PDE4D: variants seen among roughly 807,000 people sequenced by gnomAD.
PDE4D encodes 3',5'-cyclic-AMP phosphodiesterase 4D.
A neutral mutation model predicts 87.4 loss-of-function variants in PDE4D; 24 were observed. That is an observed-to-expected ratio of 0.27 (90% CI 0.20 to 0.39). PDE4D has a LOEUF of 0.39. Among genes scored for constraint, PDE4D ranks in the 10% least tolerant of loss-of-function variants. The pLI is 1.00. For synonymous variants in PDE4D, 384 were observed against 383.2 expected, an observed-to-expected ratio of 1.00 and a Z score of -0.02; for missense variants, 714 against 1,041.0, an observed-to-expected ratio of 0.69 and a Z score of 4.32.
At chr5:59,011,866 G>C (rs144483208) in intron 6 of PDE4D, among the ~76,000 whole-genome samples, 15,545 of 152,200 alleles carry the variant, frequency 0.1, 1,038 homozygotes, top group Non-Finnish European at 0.13. Flanking sequence ...ATTCACCAAA[G>C]TTGAAATGAA....
intron 1 of PDE4D, among the ~76,000 whole-genome samples, chr5:60,226,249 A>G (rs1196116496): frequency 6.6e-6 from 1 of 152,134 alleles, no homozygotes; most frequent in Non-Finnish European, 1.5e-5. Context: ...CTGTGCTAAG[A>G]AATCTTTCTT....
At chr5:60,194,781 A>G (rs1378699094) in intron 1 of PDE4D, among the ~76,000 whole-genome samples, 1 of 151,646 alleles carries the variant, frequency 6.6e-6, no homozygotes, top group Non-Finnish European at 1.5e-5. Flanking sequence ...AGTCTTCCAG[A>G]GTTTTATCTA....
At chr5:59,361,750 C>G (rs1338785806) in intron 1 of PDE4D, among the ~76,000 whole-genome samples, 3 of 152,080 alleles carry the variant, frequency 2.0e-5, no homozygotes. Flanking sequence ...CAGTGCTTAG[C>G]AAACAGTCTA....
chr5:59,181,541 C>A (rs1741533726), intron 4 of PDE4D, among the ~76,000 whole-genome samples: 1 of 60,850 alleles, frequency 1.6e-5, no homozygotes, highest in African/African-American at 6.6e-5. Context: ...TCAAAGATGT[C>A]TGATATATAT....
intron 1 of PDE4D, among the ~76,000 whole-genome samples, chr5:60,306,598 A>G (rs1411045792): frequency 6.6e-6 from 1 of 152,134 alleles, no homozygotes; most frequent in Non-Finnish European, 1.5e-5. Flanking sequence ...TTAAGTAAGT[A>G]GAACTCTGCA....
intron 3 of PDE4D, among the ~76,000 whole-genome samples, chr5:59,968,603 A>C (rs987756958): frequency 6.6e-6 from 1 of 152,148 alleles, no homozygotes; most frequent in Admixed American, 6.5e-5. Context: ...TAAAGCTAGA[A>C]CCATATAACA....
At chr5:59,365,886 G>GA (rs1008438307) in intron 1 of PDE4D, among the ~76,000 whole-genome samples, 1 of 151,926 alleles carries the variant, frequency 6.6e-6, no homozygotes, top group Non-Finnish European at 1.5e-5. Flanking sequence ...TACACATAAA[G>GA]AAAAAAATAA....
chr5:60,239,011 G>A (rs543625858), intron 1 of PDE4D, among the ~76,000 whole-genome samples: 22 of 152,124 alleles, frequency 1.4e-4, no homozygotes, highest in South Asian at 4.1e-4. Flanking sequence ...AACACTAGGC[G>A]TAAATGGGTT....
At chr5:59,699,492 T>C (rs900489734) in intron 1 of PDE4D, among the ~76,000 whole-genome samples, 38 of 152,260 alleles carry the variant, frequency 2.5e-4, no homozygotes, top group Admixed American at 2.0e-3. Context: ...ATTAAAAAGA[T>C]GGTATTAAGA....
At chr5:59,950,723 A>T (rs949521217) in intron 3 of PDE4D, among the ~76,000 whole-genome samples, 3 of 152,102 alleles carry the variant, frequency 2.0e-5, no homozygotes, top group African/African-American at 4.8e-5. Flanking sequence ...AGACTTTTGT[A>T]GTTAAAGTTT....
At chr5:59,054,807 A>C (rs1000211346) in intron 5 of PDE4D, among the ~76,000 whole-genome samples, 3 of 152,124 alleles carry the variant, frequency 2.0e-5, no homozygotes, top group African/African-American at 7.2e-5. Context: ...TTGATTTTGA[A>C]ATCTACCAAT....
At chr5:59,364,950 T>A (rs865943135) in intron 1 of PDE4D, among the ~76,000 whole-genome samples, 2 of 152,196 alleles carry the variant, frequency 1.3e-5, no homozygotes, top group African/African-American at 4.8e-5. Context: ...TCCCAGGCTA[T>A]GCCAGCTGCC....
chr5:59,376,518 C>T (rs1784761929), intron 1 of PDE4D, among the ~76,000 whole-genome samples: 2 of 151,992 alleles, frequency 1.3e-5, no homozygotes, highest in South Asian at 2.1e-4. Flanking sequence ...CATAACACTG[C>T]TCAAACAAAT....
At chr5:60,063,536 T>C (rs544220785) in intron 2 of PDE4D, among the ~76,000 whole-genome samples, 1 of 152,206 alleles carries the variant, frequency 6.6e-6, no homozygotes, top group East Asian at 1.9e-4. Flanking sequence ...AGGCCAACCT[T>C]GCCAAGGGAG....
intron 1 of PDE4D, among the ~76,000 whole-genome samples, chr5:59,732,870 A>G (rs1251477543): frequency 1.4e-5 from 2 of 139,302 alleles, no homozygotes; most frequent in Non-Finnish European, 1.6e-5. Context: ...CCCCATGAAT[A>G]ATTGAGAATT....
chr5:59,118,498 G>A (rs1429975063), intron 5 of PDE4D, among the ~76,000 whole-genome samples: 3 of 152,082 alleles, frequency 2.0e-5, no homozygotes, highest in Admixed American at 2.0e-4. Flanking sequence ...ATTTATATAA[G>A]GTAGGTCTGC....
intron 1 of PDE4D, among the ~76,000 whole-genome samples, chr5:59,549,670 G>A (rs548071463): frequency 6.6e-6 from 1 of 152,188 alleles, no homozygotes; most frequent in African/African-American, 2.4e-5. Context: ...ACATTTCAGT[G>A]AAACTCTGTA....
At chr5:60,294,165 A>G (rs182701230) in intron 1 of PDE4D, among the ~76,000 whole-genome samples, 3 of 152,268 alleles carry the variant, frequency 2.0e-5, no homozygotes, top group Admixed American at 1.3e-4. Flanking sequence ...TTGTAAATGC[A>G]TTTAGCTGAA....
chr5:60,370,610 C>A (rs1406831790), intron 1 of PDE4D, among the ~76,000 whole-genome samples: 3 of 152,160 alleles, frequency 2.0e-5, no homozygotes, highest in African/African-American at 7.2e-5. Flanking sequence ...GTCAGCCACG[C>A]TATTTGAAAG....
Sources: allele counts gnomAD v4.1 joint callset (sites outside exome capture counted in the v4.1 genomes callset), GRCh38; gene constraint gnomAD v4.1.1; transcripts MANE v1.5; gene names NCBI Gene and HGNC (gene_info 2026-07-23, HGNC 2026-07-21).